Variants in CCNH observed in about 807,000 individuals in gnomAD.
CCNH encodes cyclin-H.
In CCNH, 31 loss-of-function variants were observed where a neutral mutation model predicts 41.9. The observed-to-expected ratio is 0.74, with a 90% CI of 0.56 to 1.00. CCNH has a LOEUF of 1.00. CCNH is among the 50% of genes least tolerant of loss of function. The probability of loss-of-function intolerance (pLI) is 0.00; values close to 1 mark genes in which losing one functional copy is unlikely to be tolerated. For missense variants in CCNH, 362 were observed against 388.4 expected, an observed-to-expected ratio of 0.93 and a Z score of 0.57; for synonymous variants, 138 against 136.1, an observed-to-expected ratio of 1.01 and a Z score of -0.10.
chr5:87,337,001 G>A (rs1372920613), intron 9 of CCNH, among the ~76,000 whole-genome samples: 1 of 152,006 alleles, frequency 6.6e-6, no homozygotes, highest in Admixed American at 6.6e-5. Context: ...AAGCTTTCAA[G>A]GATAGGAGAA....
downstream of CCNH, chr5:87,387,017 A>G (rs1418625051): frequency 6.0e-6 from 6 of 995,792 alleles, no homozygotes; most frequent in Admixed American, 9.9e-5. Flanking sequence ...AAAAAGACAA[A>G]AAGCCTGCAA....
chr5:87,338,536 A>ATATATATATATATATATATATT lies in CCNH; in HGVS notation c.*91-19640_*91-19639insAATATATATATATATATATATA. 2.5e-4 allele frequency among the ~76,000 whole-genome samples: 21 copies of ATATATATATATATATATATATT among 85,202 alleles called. No individual in the cohort carries two copies. The East Asian group carries it at 3.0e-3, about 12-fold the overall frequency. The allele number at this position is 85,202 out of a possible 152,430, so 55.9% of individuals were successfully genotyped here. On this transcript the variant is annotated intron_variant and NMD_transcript_variant, in intron 9 of 9. Coordinates refer to the CCNH transcript ENST00000645953. Reference sequence around the variant, plus strand: ...ATATATATATATATATATATATAAAATTTTTTTTTTTTTTAAGTAGAAATG... The same window carrying ATATATATATATATATATATATT: ...ATATATATATATATATATATATAAAATATATATATATATATATATATTTTTTTTTTTTTTTTAAGTAGAAATG...
chr5:87,335,418 G>GTT (rs1757893694), intron 9 of CCNH, among the ~76,000 whole-genome samples: 8 of 135,278 alleles, frequency 5.9e-5, no homozygotes, highest in Admixed American at 2.3e-4. Flanking sequence ...TAAAGAATGA[G>GTT]GTTTTTTTTT....
chr5:87,328,383 A>G (rs1757385715), intron 9 of CCNH, among the ~76,000 whole-genome samples: 1 of 152,146 alleles, frequency 6.6e-6, no homozygotes, highest in African/African-American at 2.4e-5. Flanking sequence ...GAGATATAAT[A>G]AGGCTTTGAC....
chr5:87,376,852 T>G, exon 1 of CCNH: 1 of 1,563,088 alleles, frequency 6.4e-7, no homozygotes, highest in Non-Finnish European at 8.8e-7. Context: ...GCTACGTACT[T>G]TAAACAATCT....
intron 9 of CCNH, chr5:87,370,023 CTTATT>C (rs1459261049): frequency 7.0e-6 from 6 of 852,038 alleles, no homozygotes; most frequent in East Asian, 2.7e-5. Flanking sequence ...CTAATCATCT[CTTATT>C]TTAAGGAATG....
chr5:87,384,924 G>C (rs1488981032), intron 9 of CCNH, among the ~76,000 whole-genome samples: 1 of 152,090 alleles, frequency 6.6e-6, no homozygotes, highest in Non-Finnish European at 1.5e-5. Context: ...TTGCTAACCT[G>C]AGTAGGTTGA....
chr5:87,396,108 T>C (rs943125665), intron 7 of CCNH, among the ~76,000 whole-genome samples: 6 of 150,984 alleles, frequency 4.0e-5, no homozygotes, highest in African/African-American at 1.2e-4. Flanking sequence ...CCCTCAAGAA[T>C]ACAGTATAAC....
chr5:87,380,400 G>T, upstream of CCNH: 2 of 1,011,348 alleles, frequency 2.0e-6, no homozygotes, highest in East Asian at 4.8e-5. Context: ...TGGGTAAAAG[G>T]CCAGTTTTAT....
At chr5:87,386,682 C>T, downstream of CCNH, 2 of 686,722 alleles carry the variant, frequency 2.9e-6, no homozygotes, top group Non-Finnish European at 5.3e-6. Context: ...AGAAGTATTG[C>T]TACATGTATG....
rs374806134 is a variant in CCNH at position 87,347,148 on chromosome 5, C to G, written c.*91-28251G>C. ...CATTACTCTCTTTTATGGATTTAAACTTTTCATTATATAAATACCATAATT... is the reference window on the plus strand; with the variant it reads ...CATTACTCTCTTTTATGGATTTAAAGTTTTCATTATATAAATACCATAATT... On this transcript the variant is annotated intron_variant and NMD_transcript_variant, in intron 9 of 9. Coordinates refer to the CCNH transcript ENST00000645953. Among the ~76,000 whole-genome samples, 178 of 152,036 alleles carry G rather than the reference C, an allele frequency of 1.2e-3. 1 individual carries two copies. In the South Asian group the frequency reaches 0.018, roughly 15 times the overall value.
At chr5:87,390,726 T>C, downstream of CCNH, 1 of 1,269,266 alleles carries the variant, frequency 7.9e-7, no homozygotes, top group Non-Finnish European at 1.1e-6. Context: ...ACAGTTTTTT[T>C]CAAATCCAGG....
At chr5:87,315,667 T>C (rs1200476044), downstream of CCNH, among the ~76,000 whole-genome samples, 1 of 152,194 alleles carries the variant, frequency 6.6e-6, no homozygotes, top group Non-Finnish European at 1.5e-5. Context: ...TTAGAATGTT[T>C]AATATGGGAG....
At chr5:87,390,007 A>G (rs1762377035), downstream of CCNH, among the ~76,000 whole-genome samples, 1 of 152,182 alleles carries the variant, frequency 6.6e-6, no homozygotes, top group Non-Finnish European at 1.5e-5. Context: ...ACAAACTCTT[A>G]GAGGAATTTA....
intron 4 of CCNH, among the ~76,000 whole-genome samples, chr5:87,407,576 GT>G (rs1264706418): frequency 2.0e-5 from 3 of 152,124 alleles, no homozygotes; most frequent in Non-Finnish European, 4.4e-5. Context: ...CAATCTTCTA[GT>G]TTAAGAATTT....
chr5:87,341,675 C>A (rs1380722089), intron 9 of CCNH, among the ~76,000 whole-genome samples: 1 of 151,998 alleles, frequency 6.6e-6, no homozygotes, highest in Non-Finnish European at 1.5e-5. Context: ...CATCTTTTAT[C>A]CCCCCAAAAT....
At chr5:87,353,069 T>C in intron 9 of CCNH, 1 of 1,037,332 alleles carries the variant, frequency 9.6e-7, no homozygotes, top group Non-Finnish European at 1.5e-6. Flanking sequence ...GCTAATTAGA[T>C]AATCCTTGGC....
At chr5:87,394,686 G>T in intron 8 of CCNH, 1 of 1,355,856 alleles carries the variant, frequency 7.4e-7, no homozygotes, top group East Asian at 2.8e-5. Context: ...AAAGGTTATG[G>T]CTGTGACCTT....
intron 9 of CCNH, among the ~76,000 whole-genome samples, chr5:87,367,242 T>A (rs1481612911): frequency 6.6e-6 from 1 of 152,176 alleles, no homozygotes; most frequent in Non-Finnish European, 1.5e-5. Flanking sequence ...AAAAATAGGT[T>A]GATAAATTAT....
Sources: gnomAD v4.1 joint callset for allele counts (sites outside exome capture counted in the v4.1 genomes callset) on GRCh38, gnomAD v4.1.1 for gene constraint, MANE v1.5 for transcripts, NCBI Gene and HGNC (gene_info 2026-07-23, HGNC 2026-07-21) for gene names.